Variants in DAAM1 observed in about 807,000 individuals in gnomAD.
DAAM1 encodes disheveled-associated activator of morphogenesis 1.
A neutral mutation model predicts 130.0 loss-of-function variants in DAAM1; 52 were observed. The observed-to-expected ratio is 0.40, with a 90% CI of 0.32 to 0.50. DAAM1 has a LOEUF of 0.50. DAAM1 is among the 20% of genes least tolerant of loss of function. The pLI, the probability that DAAM1 is intolerant of heterozygous loss-of-function variation, is 0.61. For missense variants in DAAM1, 1,134 were observed against 1,303.8 expected (o/e 0.87, Z 2.01); for synonymous variants, 452 against 444.5 (o/e 1.02, Z -0.21).
chr14:59,283,727 C>T (rs563516933), intron 2 of DAAM1, among the ~76,000 whole-genome samples: 11 of 152,204 alleles, frequency 7.2e-5, no homozygotes, highest in Middle Eastern at 3.4e-3. Flanking sequence ...TCATGAACTT[C>T]CCAAAGGAAC....
chr14:59,221,940 C>A (rs1888785725), intron 1 of DAAM1, among the ~76,000 whole-genome samples: 1 of 152,126 alleles, frequency 6.6e-6, no homozygotes, highest in African/African-American at 2.4e-5. Context: ...CCACCCACTC[C>A]CATTTCCACT....
chr14:59,210,872 G>A (rs1268459279), intron 1 of DAAM1, among the ~76,000 whole-genome samples: 1 of 152,216 alleles, frequency 6.6e-6, no homozygotes, highest in Non-Finnish European at 1.5e-5. Flanking sequence ...TATGAGGAGA[G>A]AGGGAGAAGT....
chr14:59,270,473 A>G (rs1007936124), intron 2 of DAAM1, among the ~76,000 whole-genome samples: 9 of 152,150 alleles, frequency 5.9e-5, no homozygotes, highest in East Asian at 5.8e-4. Context: ...AAATTAATCT[A>G]TTCATGAGGG....
intron 3 of DAAM1, among the ~76,000 whole-genome samples, chr14:59,300,324 A>G (rs1024900493): frequency 6.6e-6 from 1 of 152,224 alleles, no homozygotes; most frequent in Non-Finnish European, 1.5e-5. Flanking sequence ...AGAGCATTCT[A>G]GCTGTGTTAT....
intron 2 of DAAM1, among the ~76,000 whole-genome samples, chr14:59,279,785 C>G (rs1883129273): frequency 6.6e-6 from 1 of 151,978 alleles, no homozygotes; most frequent in Non-Finnish European, 1.5e-5. Flanking sequence ...AAAATATTAA[C>G]AAAATGAGAA....
chr14:59,356,852 T>A (rs1229183640), intron 20 of DAAM1, among the ~76,000 whole-genome samples: 1 of 152,216 alleles, frequency 6.6e-6, no homozygotes, highest in Admixed American at 6.6e-5. Context: ...CTATTTCTGA[T>A]CTTTCTGTTT....
intron 15 of DAAM1, among the ~76,000 whole-genome samples, chr14:59,335,640 A>G (rs1299308282): frequency 6.6e-6 from 1 of 152,136 alleles, no homozygotes; most frequent in Non-Finnish European, 1.5e-5. Context: ...ACAGTTCACT[A>G]TCTCTTCCTT....
At position 59,331,428 on chromosome 14, in the gene DAAM1, A is replaced by G. The variant is rs138844544; in HGVS notation, c.1780A>G (p.Met594Val). ...AATCATGCCACCTCCTGGTGCTCCA[A>G]TGGGCCTAGCACTGAAGAAGAAAAG... ...GAIMPPPGAP[M>V]GLALKKKSIP... Residue 594 changes from methionine (M) to valine (V), a missense_variant, in exon 14 of 25, where the codon ATG becomes GTG. Transcript: ENST00000360909. 213 of 1,613,962 alleles carry G rather than the reference A, an allele frequency of 1.3e-4. No homozygotes were observed. The highest frequency in any genetic ancestry group is 4.9e-4 in the East Asian group (22 of 44,872).
intron 1 of DAAM1, among the ~76,000 whole-genome samples, chr14:59,232,310 C>T (rs1387060602): frequency 6.6e-6 from 1 of 152,188 alleles, no homozygotes; most frequent in Non-Finnish European, 1.5e-5. Context: ...TAAATGTATA[C>T]TGGTCACTGA....
chr14:59,299,414 T>C (rs535533747), intron 3 of DAAM1, among the ~76,000 whole-genome samples: 11 of 152,324 alleles, frequency 7.2e-5, no homozygotes, highest in Admixed American at 4.6e-4. Context: ...TATGGTTTAG[T>C]ACTTATCAGA....
At chr14:59,188,921 A>G (rs1276301227) in intron 1 of DAAM1, among the ~76,000 whole-genome samples, 153 bp downstream of exon 1, 1 of 151,942 alleles carries the variant, frequency 6.6e-6, no homozygotes, top group Non-Finnish European at 1.5e-5. Flanking sequence ...GTAGGTAAAT[A>G]TTAAACCCGT....
chr14:59,245,566 A>G (rs1406735863), intron 1 of DAAM1, among the ~76,000 whole-genome samples: 1 of 152,176 alleles, frequency 6.6e-6, no homozygotes, highest in Non-Finnish European at 1.5e-5. Flanking sequence ...TTCTAAAGAT[A>G]AGGATAGTAA....
chr14:59,288,863 G>A (rs1039722157), intron 2 of DAAM1, among the ~76,000 whole-genome samples: 5 of 151,542 alleles, frequency 3.3e-5, no homozygotes, highest in Non-Finnish European at 7.4e-5. Flanking sequence ...GAGAGAGAGC[G>A]CGCGAAGGGG....
At chr14:59,295,374 C>G (rs1883915861) in intron 3 of DAAM1, among the ~76,000 whole-genome samples, 1 of 152,204 alleles carries the variant, frequency 6.6e-6, no homozygotes, top group Non-Finnish European at 1.5e-5. Flanking sequence ...AACTGCTGAT[C>G]TGGTGCTAGG....
rs1887020167 is a variant in DAAM1 at position 59,368,665 on chromosome 14, G to C, written c.3013G>C (p.Glu1005Gln). 1 of 1,612,936 alleles carries C rather than the reference G, an allele frequency of 6.2e-7. No individual in the cohort carries two copies. The highest frequency in any genetic ancestry group is 1.7e-5 in the Admixed American group (1 of 59,952). Residue 1005 changes from glutamate (E) to glutamine (Q), a missense_variant, in exon 25 of 25, where the codon GAA (glutamate) becomes CAA (glutamine). By Grantham distance (29) the Glu-to-Gln change is conservative. Coordinates refer to ENST00000360909, the MANE Select transcript of DAAM1 (RefSeq NM_001270520.2). ...RMEAQLKEQR[E>Q]RERKMRKAKE... Reference sequence around the variant, plus strand: ...CTATTTGCAGCTCAAAGAACAACGTGAAAGGGAACGTAAAATGAGAAAAGC... The same window carrying C: ...CTATTTGCAGCTCAAAGAACAACGTCAAAGGGAACGTAAAATGAGAAAAGC...
chr14:59,280,570 T>G (rs1293475571), intron 2 of DAAM1, among the ~76,000 whole-genome samples: 1 of 137,768 alleles, frequency 7.3e-6, no homozygotes, highest in African/African-American at 2.6e-5. Flanking sequence ...ATTTCTGCTA[T>G]GTCAGACTGC....
At position 59,331,277 on chromosome 14, in the gene DAAM1, T is replaced by G. The variant is rs765497116; in HGVS notation, c.1629T>G (p.Ser543=). 7 of 1,612,790 alleles carry G rather than the reference T, an allele frequency of 4.3e-6. No individual in the cohort carries two copies. The African/African-American group carries it at 9.4e-5, about 22-fold the overall frequency. The part of the protein sequence containing the change: ...PGAPGGPFPS[S]VPGSLLPPPP... ...CACCAGGAGGGCCCTTTCCTTCCTC[T>G]GTGCCTGGATCTCTCCTTCCTCCCC... is the stretch of plus-strand genomic sequence containing the variant. The change falls in exon 14 of 25, where the codon TCT becomes TCG. Residue 543 remains serine (S), a synonymous_variant. Coordinates refer to ENST00000360909, the MANE Select transcript of DAAM1 (RefSeq NM_001270520.2).
intron 1 of DAAM1, among the ~76,000 whole-genome samples, chr14:59,212,929 C>T (rs752407607): frequency 6.6e-6 from 1 of 152,032 alleles, no homozygotes; most frequent in Non-Finnish European, 1.5e-5. Context: ...TTTTATCAAT[C>T]GCAGCATATA....
chr14:59,210,760 T>A (rs17095876), intron 1 of DAAM1, among the ~76,000 whole-genome samples: 2,349 of 152,282 alleles, frequency 0.015, 54 homozygotes, highest in African/African-American at 0.053. Context: ...CAAAGAAGGC[T>A]TTTCTGAAGG....
Sources: allele counts gnomAD v4.1 joint callset (sites outside exome capture counted in the v4.1 genomes callset), GRCh38; gene constraint gnomAD v4.1.1; transcripts MANE v1.5; gene names NCBI Gene and HGNC (gene_info 2026-07-23, HGNC 2026-07-21).